The following ATXN1 variants were observed in gnomAD, a reference collection of about 807,000 sequenced individuals.
The protein encoded by ATXN1 is ataxin-1.
A neutral mutation model predicts 56.4 loss-of-function variants in ATXN1; 8 were observed. The observed-to-expected ratio is 0.14, with a 90% CI of 0.08 to 0.26. The LOEUF is 0.26. Ranked by LOEUF, ATXN1 falls within the 10% of genes least tolerant of loss-of-function variation. The pLI, the probability that ATXN1 is intolerant of heterozygous loss-of-function variation, is 1.00. For missense variants in ATXN1, 987 were observed against 1,106.5 expected (o/e 0.89, Z 1.53); for synonymous variants, 514 against 494.6 (o/e 1.04, Z -0.52).
intron 7 of ATXN1, among the ~76,000 whole-genome samples, chr6:16,325,596 T>G (rs1426956141): frequency 6.6e-6 from 1 of 152,120 alleles, no homozygotes; most frequent in African/African-American, 2.4e-5. Context: ...CTCCACCTCC[T>G]GACCCACCTG....
At position 16,341,877 on chromosome 6, in the gene ATXN1, A is replaced by ATTTTTTT. The variant is rs34092584; in HGVS notation, c.-160-13414_-160-13408dup. The stretch of plus-strand genomic sequence containing the variant: ...CTGTCCTTGGCAGTATGTCTCAGTG[A>ATTTTTTT]TTTTTTTTTTTTTTTTTTTTTTGAG... On this transcript the variant is annotated intron_variant, in intron 6 of 7. Coordinates refer to ENST00000436367, the MANE Select transcript of ATXN1 (RefSeq NM_001128164.2). Among the ~76,000 whole-genome samples the ATTTTTTT allele has an allele frequency of 6.9e-5, 6 of 86,860 alleles. 1 individual carries two copies. The highest frequency in any genetic ancestry group is 1.5e-4 in the African/African-American group (3 of 20,408). The allele number at this position is 86,860 out of a possible 152,430, so 57.0% of individuals were successfully genotyped here. A position where few individuals can be genotyped will look rare whatever the true frequency, so the allele number is the denominator to read the frequency against.
intron 2 of ATXN1, among the ~76,000 whole-genome samples, chr6:16,702,453 A>G (rs1156925605): frequency 6.6e-6 from 1 of 152,240 alleles, no homozygotes; most frequent in African/African-American, 2.4e-5. Context: ...AAACACCAAA[A>G]GCAATGGCAA....
chr6:16,399,994 A>C (rs963889873), intron 6 of ATXN1, among the ~76,000 whole-genome samples: 2 of 152,176 alleles, frequency 1.3e-5, no homozygotes, highest in Non-Finnish European at 2.9e-5. Flanking sequence ...CCCACAGCCC[A>C]GCAGCATCAG....
rs115296246 is a variant in ATXN1, at chr6:16,478,110, C to T, written c.-161+7862G>A. On this transcript the variant is annotated intron_variant, in intron 6 of 7. Coordinates refer to ENST00000436367, the MANE Select transcript of ATXN1 (RefSeq NM_001128164.2). Reference sequence around the variant, plus strand: ...TGGGGCTAGGAACCTGGATTATAAACGCCAATGACAGTGATGAGATACTGA... The same window carrying T: ...TGGGGCTAGGAACCTGGATTATAAATGCCAATGACAGTGATGAGATACTGA... 2.4e-3 allele frequency among the ~76,000 whole-genome samples: 359 copies of T among 152,264 alleles called. 2 individuals carry two copies. The highest frequency in any genetic ancestry group is 0.01 in the Middle Eastern group (3 of 294).
chr6:16,327,666 C>CTGCTGATGCTGA lies in ATXN1; in HGVS notation c.644_645insTCAGCATCAGCA (p.Gln214_Gln215insHisGlnHisGln), dbSNP rs1554138037. ...GCTGCTGCTGCTGCTGCTGCTGCTG[C>CTGCTGATGCTGA]TGCTGCTGCTGATGCTGATGCTGCT... On this transcript the variant is annotated inframe_insertion, in exon 7 of 8. Transcript: ENST00000436367. 1.3e-6 allele frequency: 2 copies of CTGCTGATGCTGA among 1,528,028 alleles called. No homozygotes were observed. Among genetic ancestry groups the CTGCTGATGCTGA allele is most frequent in the East Asian group, 5.4e-5 (2 of 36,742 alleles). 94.7% of individuals were successfully genotyped at this position (1,528,028 alleles called of 1,614,324 possible).
chr6:16,509,915 C>A (rs1232352514), intron 5 of ATXN1, among the ~76,000 whole-genome samples: 1 of 152,170 alleles, frequency 6.6e-6, no homozygotes, highest in African/African-American at 2.4e-5. Context: ...GTACTCTTCA[C>A]TTTCCAGAAT....
Position 16,457,723 on chromosome 6 carries a change from T to C in ATXN1, c.-161+28249A>G, listed in dbSNP as rs148132809. On this transcript the variant is annotated intron_variant, in intron 6 of 7. Transcript: ENST00000436367. ...ACTATGCAAAGCTGGCGATTTACATTCCACAGGAGGACCTCTCAGATTACC... is the reference window on the plus strand; with the variant it reads ...ACTATGCAAAGCTGGCGATTTACATCCCACAGGAGGACCTCTCAGATTACC... 2.9e-3 allele frequency among the ~76,000 whole-genome samples: 436 copies of C among 152,282 alleles called. 2 individuals carry two copies. The highest frequency in any genetic ancestry group is 0.01 in the African/African-American group (416 of 41,550).
intron 6 of ATXN1, among the ~76,000 whole-genome samples, chr6:16,351,183 C>A (rs957227864): frequency 2.8e-4 from 42 of 152,282 alleles, no homozygotes; most frequent in African/African-American, 9.6e-4. Flanking sequence ...GTAGAAAAAA[C>A]TTCTCTTATT....
chr6:16,341,946 A>G (rs538628496), intron 6 of ATXN1, among the ~76,000 whole-genome samples: 5 of 134,228 alleles, frequency 3.7e-5, no homozygotes, highest in Non-Finnish European at 6.1e-5. Context: ...CAATGGGTGC[A>G]GTCTCGGCTC....
chr6:16,543,828 A>G (rs1306141306), intron 4 of ATXN1, among the ~76,000 whole-genome samples: 1 of 152,144 alleles, frequency 6.6e-6, no homozygotes, highest in Non-Finnish European at 1.5e-5. Flanking sequence ...GTCACTAAAG[A>G]TGCTATTTGT....
chr6:16,469,166 T>C (rs1048176686), intron 6 of ATXN1, among the ~76,000 whole-genome samples: 1 of 152,142 alleles, frequency 6.6e-6, no homozygotes, highest in African/African-American at 2.4e-5. Context: ...AATGAGTGAG[T>C]AGCTTATTGA....
chr6:16,409,923 G>A (rs1306302714), intron 6 of ATXN1, among the ~76,000 whole-genome samples: 3 of 152,178 alleles, frequency 2.0e-5, no homozygotes, highest in African/African-American at 7.2e-5. Context: ...CGGGTTGAGC[G>A]AAAACAAGGA....
intron 6 of ATXN1, among the ~76,000 whole-genome samples, chr6:16,342,497 A>G (rs1465266475): frequency 6.6e-6 from 1 of 152,124 alleles, no homozygotes. Flanking sequence ...GAATTACCAC[A>G]TGACTCAGCA....
chr6:16,377,615 G>T (rs183105864), intron 6 of ATXN1, among the ~76,000 whole-genome samples: 5 of 152,182 alleles, frequency 3.3e-5, no homozygotes, highest in African/African-American at 1.2e-4. Flanking sequence ...CTCCACTGGG[G>T]GTAGCTGAAT....
At chr6:16,426,884 A>AC (rs11405981) in intron 6 of ATXN1, among the ~76,000 whole-genome samples, 3,219 of 151,610 alleles carry the variant, frequency 0.021, 116 homozygotes, top group African/African-American at 0.073. Context: ...AGAAAAAAAA[A>AC]AAAAGACCAA....
At chr6:16,425,486 T>C (rs1461174007) in intron 6 of ATXN1, among the ~76,000 whole-genome samples, 1 of 152,236 alleles carries the variant, frequency 6.6e-6, no homozygotes, top group Non-Finnish European at 1.5e-5. Flanking sequence ...TCACACACCT[T>C]GGAGCCTGCG....
At chr6:16,712,336 T>G (rs1024648552) in intron 2 of ATXN1, among the ~76,000 whole-genome samples, 2 of 152,198 alleles carry the variant, frequency 1.3e-5, no homozygotes, top group Non-Finnish European at 2.9e-5. Flanking sequence ...GGATAACCCC[T>G]ATTCCGTACA....
At chr6:16,338,216 G>A (rs1156320647) in intron 6 of ATXN1, among the ~76,000 whole-genome samples, 2 of 151,936 alleles carry the variant, frequency 1.3e-5, no homozygotes, top group East Asian at 1.9e-4. Flanking sequence ...AATTTTGGCC[G>A]GGCGTGGTGG....
intron 4 of ATXN1, among the ~76,000 whole-genome samples, chr6:16,537,818 C>T (rs1029103862): frequency 9.9e-5 from 15 of 151,468 alleles, no homozygotes; most frequent in African/African-American, 2.9e-4. Flanking sequence ...AAAAAGGTGT[C>T]TTGGCCAGGT....
Sources: allele counts gnomAD v4.1 joint callset (sites outside exome capture counted in the v4.1 genomes callset), GRCh38; gene constraint gnomAD v4.1.1; transcripts MANE v1.5; gene names NCBI Gene and HGNC (gene_info 2026-07-23, HGNC 2026-07-21).